The following SCAF8 variants were observed in gnomAD, a reference collection of about 807,000 sequenced individuals.
The protein encoded by SCAF8 is SR-related and CTD-associated factor 8.
SCAF8 carries 23 observed loss-of-function variants against 140.5 expected under a neutral mutation model. That is an observed-to-expected ratio of 0.16 (90% confidence interval 0.12 to 0.23). The LOEUF (loss-of-function observed/expected upper bound fraction) is 0.23. SCAF8 is among the 10% of genes least tolerant of loss of function. SCAF8 has a pLI of 1.00. For synonymous variants in SCAF8, 575 were observed against 528.9 expected (o/e 1.09, Z -1.20); for missense variants, 1,397 against 1,555.7 (o/e 0.90, Z 1.72).
chr6:154,806,564 T>C (rs1384285384), intron 9 of SCAF8, among the ~76,000 whole-genome samples: 1 of 152,156 alleles, frequency 6.6e-6, no homozygotes, highest in Non-Finnish European at 1.5e-5. Flanking sequence ...GAATTCTTTA[T>C]TTTTGTCATA....
chr6:154,787,472 T>C (rs923942616), intron 3 of SCAF8, among the ~76,000 whole-genome samples: 5 of 152,268 alleles, frequency 3.3e-5, no homozygotes, highest in Admixed American at 2.0e-4. Flanking sequence ...CCTTTTGTTG[T>C]GTGTTCCAGA....
At position 154,832,617 on chromosome 6, in the gene SCAF8, A is replaced by T; in HGVS notation, c.3038A>T (p.Asp1013Val). ...AATGATAACATTCAACAGGAAGGAG[A>T]TAGAGATTACCGGTTTCCTCCTATA... Reference protein sequence around the residue: ...LGNDNIQQEGDRDYRFPPIET... With the variant: ...LGNDNIQQEGVRDYRFPPIET... The change falls in exon 20 of 20, where the codon GAT (aspartate) becomes GTT (valine). Residue 1013 changes from aspartate (D) to valine (V), a missense_variant. Asp to Val is a radical substitution (Grantham distance 152). This residue lies in a region of SCAF8 where 930 missense variants were observed against 874.6 expected (regional missense o/e 1.06). Transcript: ENST00000367178. 1 of 1,614,146 alleles carries T rather than the reference A, an allele frequency of 6.2e-7. No individual in the cohort carries two copies. The highest frequency in any genetic ancestry group is 8.5e-7 in the Non-Finnish European group (1 of 1,180,016).
At chr6:154,738,189 C>G (rs1408879150) in intron 1 of SCAF8, among the ~76,000 whole-genome samples, 19 of 149,320 alleles carry the variant, frequency 1.3e-4, no homozygotes, top group Admixed American at 1.3e-3. Context: ...GTGTGAGACT[C>G]TGCTTCAAAA....
At chr6:154,793,839 A>AAAT (rs1554261614) in intron 5 of SCAF8, among the ~76,000 whole-genome samples, 11 of 142,672 alleles carry the variant, frequency 7.7e-5, no homozygotes, top group African/African-American at 2.7e-4. Flanking sequence ...AAAAAAAAAA[A>AAAT]TTTTTTTAAA....
chr6:154,823,644 G>A (rs1241471995), intron 16 of SCAF8, among the ~76,000 whole-genome samples: 1 of 152,116 alleles, frequency 6.6e-6, no homozygotes, highest in African/African-American at 2.4e-5. Flanking sequence ...ACTGTGAGAA[G>A]AGTTCTTTTG....
chr6:154,820,310 T>A lies in SCAF8; in HGVS notation c.1769T>A (p.Ile590Asn). Reference protein sequence around the residue: ...DLEGFAEGGMIDQETVNTEWE... With the variant: ...DLEGFAEGGMNDQETVNTEWE... Reference sequence around the variant, plus strand: ...GAAGGTTTTGCAGAAGGAGGCATGATTGATCAGGAGACTGTAAATACTGGT... The same window carrying A: ...GAAGGTTTTGCAGAAGGAGGCATGAATGATCAGGAGACTGTAAATACTGGT... The change falls in exon 15 of 20, where the codon ATT (isoleucine) becomes AAT (asparagine). Residue 590 changes from isoleucine to asparagine, a missense_variant. Coordinates refer to ENST00000367178, the MANE Select transcript of SCAF8 (RefSeq NM_014892.5). The A allele has an allele frequency of 6.2e-7, 1 of 1,611,176 alleles. No individual in the cohort carries two copies. The highest frequency in any genetic ancestry group is 8.5e-7 in the Non-Finnish European group (1 of 1,179,120).
chr6:154,760,345 AAAT>A (rs1213117280), intron 1 of SCAF8, among the ~76,000 whole-genome samples: 1 of 152,146 alleles, frequency 6.6e-6, no homozygotes, highest in African/African-American at 2.4e-5. Context: ...TTTTTTTTAA[AAAT>A]TAAAGAGGAT....
chr6:154,744,485 C>A (rs146613558), intron 1 of SCAF8, among the ~76,000 whole-genome samples: 1 of 152,134 alleles, frequency 6.6e-6, no homozygotes, highest in Admixed American at 6.5e-5. Flanking sequence ...ACCATGTTTC[C>A]GTGGATCTTT....
At chr6:154,773,516 C>G (rs894600401) in intron 1 of SCAF8, among the ~76,000 whole-genome samples, 10 of 152,134 alleles carry the variant, frequency 6.6e-5, no homozygotes, top group Non-Finnish European at 1.2e-4. Context: ...ACAATGACCA[C>G]GTGTACAGGT....
At chr6:154,734,925 C>T (rs1012989419) in intron 1 of SCAF8, among the ~76,000 whole-genome samples, 2 of 152,104 alleles carry the variant, frequency 1.3e-5, no homozygotes, top group Non-Finnish European at 2.9e-5. Context: ...GAGTTCAAGA[C>T]CAGCCTGGCC....
intron 3 of SCAF8, among the ~76,000 whole-genome samples, chr6:154,779,849 A>T (rs1416471561): frequency 6.6e-6 from 1 of 151,778 alleles, no homozygotes; most frequent in African/African-American, 2.4e-5. Context: ...ACATGTCATT[A>T]AATCAGTAGG....
chr6:154,755,272 T>C (rs1237518055), intron 1 of SCAF8, among the ~76,000 whole-genome samples: 1 of 152,120 alleles, frequency 6.6e-6, no homozygotes, highest in Non-Finnish European at 1.5e-5. Flanking sequence ...ATTATTTTTT[T>C]AGACAGAGTC....
chr6:154,733,610 G>C lies in SCAF8; in HGVS notation c.-291G>C. On this transcript the variant is annotated 5_prime_UTR_variant, in exon 1 of 20. Transcript: ENST00000367178. ...CGGAGCGGGGCAGAGAAGAGAAGGCGCCGCGGCCCAGCCCCTCCCCCGCCC... is the reference window on the plus strand; with the variant it reads ...CGGAGCGGGGCAGAGAAGAGAAGGCCCCGCGGCCCAGCCCCTCCCCCGCCC... The C allele has an allele frequency of 7.7e-7, 1 of 1,290,540 alleles. No homozygotes were observed. Among genetic ancestry groups the C allele is most frequent in the Non-Finnish European group, 9.8e-7 (1 of 1,022,900 alleles). 79.9% of individuals were successfully genotyped at this position (1,290,540 alleles called of 1,614,324 possible). A position where few individuals can be genotyped will look rare whatever the true frequency, so the allele number is the denominator to read the frequency against.
intron 1 of SCAF8, chr6:154,741,863 A>G: frequency 1.3e-6 from 1 of 772,546 alleles, no homozygotes; most frequent in Non-Finnish European, 2.2e-6. Context: ...ATCAACCTTG[A>G]CCTTGAACAC....
chr6:154,736,103 A>G (rs564984519), intron 1 of SCAF8, among the ~76,000 whole-genome samples: 2 of 151,644 alleles, frequency 1.3e-5, no homozygotes, highest in East Asian at 1.9e-4. Context: ...GGGATGACAG[A>G]TGTGAGCCAC....
At chr6:154,800,289 A>G (rs905593695) in intron 6 of SCAF8, among the ~76,000 whole-genome samples, 5 of 151,514 alleles carry the variant, frequency 3.3e-5, no homozygotes, top group South Asian at 4.1e-4. Context: ...TGCCTGTCCA[A>G]TGTCTAGGTT....
intron 3 of SCAF8, 58 bp from the exon 4 acceptor site, chr6:154,787,803 C>CT: frequency 7.0e-7 from 1 of 1,421,510 alleles, no homozygotes; most frequent in African/African-American, 1.4e-5. Flanking sequence ...TGATTTTTGT[C>CT]TATCAAGAAT....
At chr6:154,810,702 C>T (rs551220240) in intron 12 of SCAF8, among the ~76,000 whole-genome samples, 4 of 152,140 alleles carry the variant, frequency 2.6e-5, no homozygotes, top group South Asian at 2.1e-4. Flanking sequence ...AGAACAGATT[C>T]GGTAGTGGTG....
chr6:154,776,065 A>G (rs1210257118), intron 2 of SCAF8, among the ~76,000 whole-genome samples: 1 of 152,052 alleles, frequency 6.6e-6, no homozygotes, highest in Non-Finnish European at 1.5e-5. Context: ...TTTCACTTTG[A>G]TAGAATTATC....
Sources: gnomAD v4.1 joint callset for allele counts (sites outside exome capture counted in the v4.1 genomes callset) on GRCh38, gnomAD v4.1.1 for gene constraint, gnomAD v4.1.1 regional missense constraint, MANE v1.5 for transcripts, NCBI Gene and HGNC (gene_info 2026-07-23, HGNC 2026-07-21) for gene names.